The following LINC00305 variants were observed in gnomAD, a reference collection of about 807,000 sequenced individuals.
LINC00305 encodes long independently transcribed non-coding RNA 305.
intron 3 of LINC00305, among the ~76,000 whole-genome samples, chr18:64,095,829 T>C (rs558892887): frequency 6.6e-6 from 1 of 152,020 alleles, no homozygotes; most frequent in Non-Finnish European, 1.5e-5. Context: ...TTTGAAGATA[T>C]GAAATAAGGA....
chr18:64,104,913 T>C (rs2850713), intron 1 of LINC00305, among the ~76,000 whole-genome samples: 21,572 of 151,712 alleles, frequency 0.14, 1,555 homozygotes, highest in Non-Finnish European at 0.16. Context: ...TGTGGAATTG[T>C]TCTATTCTCG....
rs1286421545 is a variant in LINC00305, at chr18:64,112,427, A to T, written n.315-13787T>A. ...GATGTTAAGGCAGATTTACCAGGAAAATATTCATATTTCCGTTGGAAGAAA... is the reference window on the plus strand; with the variant it reads ...GATGTTAAGGCAGATTTACCAGGAATATATTCATATTTCCGTTGGAAGAAA... On this transcript the variant is annotated intron_variant and non_coding_transcript_variant, in intron 1 of 3. Coordinates refer to ENST00000666468, the Ensembl canonical transcript of LINC00305. Among the ~76,000 whole-genome samples the T allele has an allele frequency of 2.0e-5, 3 of 152,192 alleles. No homozygotes were observed. The East Asian group carries it at 5.8e-4, about 29-fold the overall frequency.
chr18:64,137,149 C>A (rs953775694), intron 1 of LINC00305, among the ~76,000 whole-genome samples: 2 of 152,220 alleles, frequency 1.3e-5, no homozygotes, highest in African/African-American at 4.8e-5. Context: ...CACACAGACA[C>A]AACAAGAGCA....
At chr18:64,121,291 A>G (rs536405259) in intron 1 of LINC00305, among the ~76,000 whole-genome samples, 1 of 151,940 alleles carries the variant, frequency 6.6e-6, no homozygotes, top group Non-Finnish European at 1.5e-5. Flanking sequence ...TAGAGTATCC[A>G]TCACCCAAAT....
At chr18:64,114,126 C>T (rs1247953907) in intron 1 of LINC00305, among the ~76,000 whole-genome samples, 6 of 152,132 alleles carry the variant, frequency 3.9e-5, no homozygotes, top group East Asian at 1.9e-4. Flanking sequence ...AAAAATTAGC[C>T]GGGCGTGGTG....
At chr18:64,081,996 G>C (rs1402476414) in intron 3 of LINC00305, among the ~76,000 whole-genome samples, 1 of 152,132 alleles carries the variant, frequency 6.6e-6, no homozygotes, top group Non-Finnish European at 1.5e-5. Context: ...AATCACATTT[G>C]GTCCTTTGAA....
chr18:64,139,499 G>C (rs1455177094), intron 1 of LINC00305: 2 of 152,258 alleles, frequency 1.3e-5, no homozygotes, highest in Non-Finnish European at 2.9e-5. Flanking sequence ...TTGTTTAATT[G>C]AACACATCAG....
intron 1 of LINC00305, among the ~76,000 whole-genome samples, chr18:64,123,378 C>T (rs1373654962): frequency 2.0e-5 from 3 of 152,060 alleles, no homozygotes; most frequent in Non-Finnish European, 4.4e-5. Context: ...TGATAATGCA[C>T]TTCTTTTTTA....
chr18:64,143,566 A>ATATGTACACATATTATGTG (rs1356163768), intron 1 of LINC00305, among the ~76,000 whole-genome samples: 6 of 35,356 alleles, frequency 1.7e-4, no homozygotes, highest in African/African-American at 6.4e-4. Flanking sequence ...GTGTACATAT[A>ATATGTACACATATTATGTG]TACACATATG....
In LINC00305 at chr18:64,137,903, C is replaced by T. The variant is rs145195328; in HGVS notation, n.314+10872G>A. ...TCACTAGTTTTCCTTCTATGAACCA[C>T]CCCCACCCTTTTTAGGAACTAAACT... On this transcript the variant is annotated intron_variant and non_coding_transcript_variant, in intron 1 of 3. Transcript: ENST00000666468. Among the ~76,000 whole-genome samples the T allele has an allele frequency of 1.6e-3, 248 of 152,098 alleles. 1 individual carries two copies. The highest frequency in any genetic ancestry group is 5.5e-3 in the African/African-American group (229 of 41,488).
intron 3 of LINC00305, among the ~76,000 whole-genome samples, chr18:64,097,423 G>T (rs1484166513): frequency 1.3e-5 from 2 of 152,030 alleles, no homozygotes; most frequent in Non-Finnish European, 2.9e-5. Flanking sequence ...CAAGACAATG[G>T]ATTCTTATTG....
intron 1 of LINC00305, among the ~76,000 whole-genome samples, chr18:64,112,165 G>A (rs985438372): frequency 3.9e-5 from 6 of 151,940 alleles, no homozygotes; most frequent in African/African-American, 1.2e-4. Flanking sequence ...CTATTACTGC[G>A]GCATAATCAT....
At chr18:64,092,794 A>G (rs2051230110) in intron 3 of LINC00305, among the ~76,000 whole-genome samples, 2 of 152,192 alleles carry the variant, frequency 1.3e-5, no homozygotes, top group African/African-American at 4.8e-5. Flanking sequence ...TTAAAGAGGG[A>G]AAGTCATTTA....
At chr18:64,112,243 A>C (rs1273344203) in intron 1 of LINC00305, among the ~76,000 whole-genome samples, 1 of 152,074 alleles carries the variant, frequency 6.6e-6, no homozygotes, top group East Asian at 1.9e-4. Context: ...TGAAAATGGA[A>C]GACTGGAAAA....
intron 1 of LINC00305, among the ~76,000 whole-genome samples, chr18:64,120,379 T>C (rs1209361546): frequency 1.3e-5 from 2 of 152,144 alleles, no homozygotes; most frequent in African/African-American, 4.8e-5. Flanking sequence ...CTGCTAAAGC[T>C]GGTTCAGATT....
intron 1 of LINC00305, among the ~76,000 whole-genome samples, chr18:64,102,966 T>C (rs1285442713): frequency 1.3e-5 from 2 of 152,148 alleles, no homozygotes; most frequent in Non-Finnish European, 2.9e-5. Context: ...ATCCACCCCA[T>C]ATCAGTGAGC....
chr18:64,108,020 C>T (rs1275895327), intron 1 of LINC00305, among the ~76,000 whole-genome samples: 4 of 152,182 alleles, frequency 2.6e-5, no homozygotes, highest in African/African-American at 9.7e-5. Flanking sequence ...TAAAAATCTA[C>T]AATTGGTGAT....
intron 1 of LINC00305, among the ~76,000 whole-genome samples, chr18:64,134,466 T>C (rs1054432157): frequency 6.6e-6 from 1 of 152,232 alleles, no homozygotes; most frequent in Non-Finnish European, 1.5e-5. Flanking sequence ...TCTGGAGCAA[T>C]GGTAGGAAAA....
chr18:64,140,442 C>T (rs968697922), intron 1 of LINC00305, among the ~76,000 whole-genome samples: 16 of 152,296 alleles, frequency 1.1e-4, no homozygotes, highest in Admixed American at 1.0e-3. Context: ...CACGTGACCT[C>T]AGGTGATCCA....
Sources: allele counts gnomAD v4.1 joint callset (sites outside exome capture counted in the v4.1 genomes callset), GRCh38; gene constraint gnomAD v4.1.1; transcripts MANE v1.5; gene names NCBI Gene and HGNC (gene_info 2026-07-23, HGNC 2026-07-21).